The following NEK5 variants were observed in gnomAD, a reference collection of about 807,000 sequenced individuals.
The protein encoded by NEK5 is serine/threonine-protein kinase Nek5.
In NEK5, 88 loss-of-function variants were observed where a neutral mutation model predicts 109.2. The ratio of observed to expected loss-of-function variants is 0.81; its 90% CI spans 0.68 to 0.96. NEK5 has a LOEUF of 0.96. Among genes scored for constraint, NEK5 ranks in the 40% least tolerant of loss-of-function variants. NEK5 has a pLI of 0.00. For synonymous variants in NEK5, 283 were observed against 299.9 expected, an observed-to-expected ratio of 0.94 and a Z score of 0.58; for missense variants, 834 against 920.7, an observed-to-expected ratio of 0.91 and a Z score of 1.22.
intron 22 of NEK5, among the ~76,000 whole-genome samples, chr13:52,057,753 C>T (rs1226231766): frequency 3.3e-5 from 5 of 152,008 alleles, no homozygotes; most frequent in South Asian, 2.1e-4. Context: ...ATTCAACAAC[C>T]CTTCATGCTA....
Position 52,127,424 on chromosome 13 carries a change from AAG to A in NEK5, c.57_58del (p.Leu20SerfsTer2). On this transcript the variant is annotated frameshift_variant, in exon 3 of 24. Transcript: ENST00000684899. LOFTEE classifies it high-confidence loss of function. Reference sequence around the variant, plus strand: ...CTTGCTATCTGATTTCCCTTTAGCTAAGTATGCTTTCCCGAAGGCACCTTGCC... The same window carrying A: ...CTTGCTATCTGATTTCCCTTTAGCTATATGCTTTCCCGAAGGCACCTTGCC... 1 of 1,613,230 alleles carries A rather than the reference AAG, an allele frequency of 6.2e-7. No individual in the cohort carries two copies. The highest frequency in any genetic ancestry group is 8.5e-7 in the Non-Finnish European group (1 of 1,179,168).
At chr13:52,117,381 C>T (rs1955881250) in intron 4 of NEK5, among the ~76,000 whole-genome samples, 1 of 152,194 alleles carries the variant, frequency 6.6e-6, no homozygotes. Context: ...TCCCAGCAAT[C>T]AGCCAAGCAA....
chr13:52,049,424 AAATAATAAT>A (rs545167509), intron 23 of NEK5, among the ~76,000 whole-genome samples: 1 of 151,458 alleles, frequency 6.6e-6, no homozygotes, highest in Non-Finnish European at 1.5e-5. Context: ...GCTCTGTCTC[AAATAATAAT>A]AATAATAATA....
intron 12 of NEK5, among the ~76,000 whole-genome samples, chr13:52,097,600 C>T (rs1297954169): frequency 6.6e-6 from 1 of 152,148 alleles, no homozygotes; most frequent in Non-Finnish European, 1.5e-5. Flanking sequence ...GTGTATTTAC[C>T]CAATGCCTGT....
rs68075647 is a variant in NEK5 at position 52,089,472 on chromosome 13, GGAAAA to G, written c.1209-164_1209-160del. Among the ~76,000 whole-genome samples, 765 of 152,190 alleles carry G rather than the reference GGAAAA, an allele frequency of 5.0e-3. 2 individuals are homozygous for G. The highest frequency in any genetic ancestry group is 8.5e-3 in the Non-Finnish European group (577 of 68,008). Reference sequence around the variant, plus strand: ...TTCACAGTTACAGAATCTTTACATTGGAAAAGAAAATTTTGGAATCAAAAGGAAAA... The same window carrying G: ...TTCACAGTTACAGAATCTTTACATTGGAAAATTTTGGAATCAAAAGGAAAA... On this transcript the variant is annotated intron_variant, in intron 13 of 23. Transcript: ENST00000684899.
At chr13:52,064,583 G>A (rs558745623) in intron 21 of NEK5, among the ~76,000 whole-genome samples, 55 of 152,162 alleles carry the variant, frequency 3.6e-4, no homozygotes, top group African/African-American at 1.2e-3. Flanking sequence ...GGGATGTGAG[G>A]AGCCCCTCTG....
At chr13:52,088,293 C>T (rs972513396) in intron 14 of NEK5, among the ~76,000 whole-genome samples, 11 of 151,222 alleles carry the variant, frequency 7.3e-5, no homozygotes, top group Middle Eastern at 3.4e-3. Context: ...CTCGTTCTGT[C>T]GCCCAGGCTA....
At position 52,076,155 on chromosome 13, in the gene NEK5, G is replaced by A. The variant is rs61957208; in HGVS notation, c.1573-12C>T. On this transcript the variant is annotated splice_polypyrimidine_tract_variant and intron_variant, in intron 17 of 23. Transcript: ENST00000684899. ...TCTTTTTCAATGTCCTGAAAATTTA[G>A]AGAAAAATACAATTCTCTCACTGTA... 1 of 1,477,408 alleles carries A rather than the reference G, an allele frequency of 6.8e-7. No individual in the cohort carries two copies. The highest frequency in any genetic ancestry group is 1.2e-5 in the South Asian group (1 of 84,700). 91.5% of individuals were successfully genotyped at this position (1,477,408 alleles called of 1,614,324 possible).
chr13:52,084,721 G>C lies in NEK5; in HGVS notation c.1480-1369C>G, dbSNP rs1391580102. 3.0e-5 allele frequency among the ~76,000 whole-genome samples: 4 copies of C among 133,428 alleles called. No individual in the cohort carries two copies. The East Asian group carries it at 8.9e-4, about 30-fold the overall frequency. 87.5% of individuals were successfully genotyped at this position (133,428 alleles called of 152,430 possible). A position where few individuals can be genotyped will look rare whatever the true frequency, so the allele number is the denominator to read the frequency against. ...TCCGGCTAATTTAAAGAGAGAGAGA[G>C]AGAGAGAGAGAGTGAGAGAGAGAGA... On this transcript the variant is annotated intron_variant, in intron 16 of 23. Coordinates refer to ENST00000684899, the MANE Select transcript of NEK5 (RefSeq NM_001365552.1).
At chr13:52,058,291 G>T (rs1399934221) in intron 22 of NEK5, among the ~76,000 whole-genome samples, 1 of 144,018 alleles carries the variant, frequency 6.9e-6, no homozygotes, top group Non-Finnish European at 1.5e-5. Flanking sequence ...CACTGCTCAA[G>T]GAAATAAAAG....
chr13:52,099,205 C>T (rs1222639133), intron 12 of NEK5, among the ~76,000 whole-genome samples: 2 of 151,684 alleles, frequency 1.3e-5, no homozygotes, highest in Non-Finnish European at 2.9e-5. Flanking sequence ...TATGTACCCA[C>T]AAAAATTTTT....
At chr13:52,041,037 A>G (rs1479158612) in intron 23 of NEK5, among the ~76,000 whole-genome samples, 1 of 152,192 alleles carries the variant, frequency 6.6e-6, no homozygotes, top group African/African-American at 2.4e-5. Context: ...CCTAAGGAAG[A>G]AGACCCTATT....
intron 8 of NEK5, 65 bp from the exon 9 acceptor site, chr13:52,104,617 T>C: frequency 9.3e-7 from 1 of 1,070,152 alleles, no homozygotes; most frequent in East Asian, 2.4e-5. Context: ...GCTTTTATCC[T>C]TACAGTGCCT....
chr13:52,086,245 G>T, intron 16 of NEK5, 32 bp downstream of exon 16: 1 of 1,317,380 alleles, frequency 7.6e-7, no homozygotes, highest in African/African-American at 1.4e-5. Flanking sequence ...TAAATCGATA[G>T]AACAATGTTT....
chr13:52,079,365 T>TG (rs1745345496), intron 17 of NEK5, among the ~76,000 whole-genome samples: 1 of 147,416 alleles, frequency 6.8e-6, no homozygotes, highest in African/African-American at 2.6e-5. Context: ...AGCTGGACTG[T>TG]ACTGCTGCCA....
At chr13:52,046,404 A>G (rs574401557) in intron 23 of NEK5, among the ~76,000 whole-genome samples, 15 of 151,278 alleles carry the variant, frequency 9.9e-5, no homozygotes, top group Non-Finnish European at 1.8e-4. Context: ...ACTTGAGCCC[A>G]GGAATTCAAG....
At chr13:52,122,387 T>A (rs1328273396) in intron 3 of NEK5, among the ~76,000 whole-genome samples, 1 of 152,172 alleles carries the variant, frequency 6.6e-6, no homozygotes, top group South Asian at 2.1e-4. Context: ...TTTAATATCA[T>A]TAAATGACAA....
intron 20 of NEK5, among the ~76,000 whole-genome samples, chr13:52,066,863 C>A (rs1954699390): frequency 6.6e-6 from 1 of 151,030 alleles, no homozygotes; most frequent in Admixed American, 6.6e-5. Flanking sequence ...TAACTTTTTA[C>A]ATATAACTCT....
intron 23 of NEK5, among the ~76,000 whole-genome samples, chr13:52,038,854 A>G (rs865914898): frequency 6.8e-6 from 1 of 147,220 alleles, no homozygotes; most frequent in South Asian, 2.2e-4. Context: ...AAGTGGTGAC[A>G]ATGAATTTAA....
Sources: gnomAD v4.1 joint callset for allele counts (sites outside exome capture counted in the v4.1 genomes callset) on GRCh38, gnomAD v4.1.1 for gene constraint, MANE v1.5 for transcripts, NCBI Gene and HGNC (gene_info 2026-07-23, HGNC 2026-07-21) for gene names.